The following MGMT variants were observed in gnomAD, a reference collection of about 807,000 sequenced individuals.
The protein encoded by MGMT is methylated-DNA--protein-cysteine methyltransferase.
Under a neutral mutation model 15.9 loss-of-function variants are expected in MGMT, and 14 were observed. The ratio of observed to expected loss-of-function variants is 0.88; its 90% CI spans 0.58 to 1.37. The LOEUF is 1.37. MGMT is among the 40% of genes most tolerant of loss of function. The probability of loss-of-function intolerance (pLI) is 0.00; values close to 1 mark genes in which losing one functional copy is unlikely to be tolerated. For missense variants in MGMT, 282 were observed against 268.1 expected (o/e 1.05, Z -0.36); for synonymous variants, 130 against 118.2 (o/e 1.10, Z -0.65).
chr10:129,482,049 T>G (rs538424239), intron 1 of MGMT, among the ~76,000 whole-genome samples: 21 of 152,326 alleles, frequency 1.4e-4, no homozygotes, highest in African/African-American at 4.1e-4. Context: ...ATGCTAAAAA[T>G]TCTCTCTAAG....
At chr10:129,541,334 G>A (rs1846040589) in intron 2 of MGMT, among the ~76,000 whole-genome samples, 1 of 152,364 alleles carries the variant, frequency 6.6e-6, no homozygotes, top group East Asian at 1.9e-4. Flanking sequence ...TTCTGTGAAT[G>A]CCATCACGTC....
intron 2 of MGMT, among the ~76,000 whole-genome samples, chr10:129,596,422 T>C (rs895491562): frequency 2.0e-5 from 3 of 152,218 alleles, no homozygotes; most frequent in Non-Finnish European, 4.4e-5. Context: ...AGAAGTGTTC[T>C]GTATGGAATT....
In MGMT at chr10:129,769,130, A is replaced by G. The variant is rs999428655; in HGVS notation, c.*2133A>G. On this transcript the variant is annotated 3_prime_UTR_variant, in exon 5 of 5. Transcript: ENST00000651593. ...GAGCACAGGTGGGCCTGCTCGGACCATGCCCTTGGTGCAGTACAAAACCAT... is the reference window on the plus strand; with the variant it reads ...GAGCACAGGTGGGCCTGCTCGGACCGTGCCCTTGGTGCAGTACAAAACCAT... 1.3e-5 allele frequency: 2 copies of G among 152,344 alleles called. No homozygotes were observed. Among genetic ancestry groups the G allele is most frequent in the African/African-American group, 2.4e-5 (1 of 41,460 alleles). 9.4% of individuals were successfully genotyped at this position (152,344 alleles called of 1,614,324 possible).
intron 3 of MGMT, chr10:129,717,722 G>C (rs529265374): frequency 1.3e-5 from 2 of 152,140 alleles, no homozygotes; most frequent in South Asian, 4.1e-4. Context: ...CCTCCGTGCC[G>C]CACACCTGGC....
chr10:129,739,456 G>C (rs982216697), intron 3 of MGMT, among the ~76,000 whole-genome samples: 4 of 152,192 alleles, frequency 2.6e-5, no homozygotes, highest in African/African-American at 9.7e-5. Flanking sequence ...AATTACAGCA[G>C]AGTTCACTCT....
chr10:129,672,375 G>C (rs1036943487), intron 2 of MGMT, among the ~76,000 whole-genome samples: 2 of 152,178 alleles, frequency 1.3e-5, no homozygotes, highest in Admixed American at 6.5e-5. Context: ...TGAATCTATA[G>C]CTCAATGTCT....
chr10:129,533,667 G>A lies in MGMT; in HGVS notation c.-12-2574G>A, dbSNP rs1208808378. ...ATCTCATGGACGCTTGGCCTGGATGGTGGTCACACTGGTAATTCAGTTCCA... is the reference window on the plus strand; with the variant it reads ...ATCTCATGGACGCTTGGCCTGGATGATGGTCACACTGGTAATTCAGTTCCA... On this transcript the variant is annotated intron_variant, in intron 1 of 4. Coordinates refer to ENST00000651593, the MANE Select transcript of MGMT (RefSeq NM_002412.5). The surrounding 1 kb of genome is among the most constrained non-coding windows in gnomAD (Gnocchi z 4.5). 6.6e-6 allele frequency among the ~76,000 whole-genome samples: 1 copy of A among 152,126 alleles called. No individual in the cohort carries two copies. The highest frequency in any genetic ancestry group is 1.5e-5 in the Non-Finnish European group (1 of 68,040).
At chr10:129,731,883 G>C (rs912430094) in intron 3 of MGMT, among the ~76,000 whole-genome samples, 26 of 152,284 alleles carry the variant, frequency 1.7e-4, no homozygotes, top group African/African-American at 5.8e-4. Flanking sequence ...TGGGTTCTCA[G>C]ATCTGCCTCT....
chr10:129,547,603 T>A (rs549638105), intron 2 of MGMT, among the ~76,000 whole-genome samples: 1 of 152,296 alleles, frequency 6.6e-6, no homozygotes, highest in African/African-American at 2.4e-5. Context: ...ACCGTTTTCT[T>A]GCAGTGATTG....
At chr10:129,529,087 T>G (rs10829603) in intron 1 of MGMT, among the ~76,000 whole-genome samples, 60,498 of 151,156 alleles carry the variant, frequency 0.4, 12,911 homozygotes, top group East Asian at 0.63. Flanking sequence ...GAGATGACAG[T>G]GGCCACTGTG....
At chr10:129,467,386 C>G (rs570130544) in intron 1 of MGMT, 90 bp downstream of exon 1, 2 of 1,390,296 alleles carry the variant, frequency 1.4e-6, no homozygotes, top group Non-Finnish European at 1.9e-6. Flanking sequence ...GGCGCCCTCA[C>G]TTCGCCGTCG....
intron 3 of MGMT, among the ~76,000 whole-genome samples, chr10:129,726,316 G>A (rs1564775606): frequency 6.6e-6 from 1 of 152,150 alleles, no homozygotes. Context: ...CTGCTGGCCA[G>A]GTCCTTGATG....
At chr10:129,520,905 G>A (rs1845800796) in intron 1 of MGMT, among the ~76,000 whole-genome samples, 1 of 151,296 alleles carries the variant, frequency 6.6e-6, no homozygotes, top group African/African-American at 2.4e-5. Flanking sequence ...CCCCTATGGT[G>A]TGCATACAGA....
At chr10:129,523,808 C>T (rs990480259) in intron 1 of MGMT, among the ~76,000 whole-genome samples, 4 of 152,130 alleles carry the variant, frequency 2.6e-5, no homozygotes, top group Non-Finnish European at 5.9e-5. Context: ...TCTGACCAGG[C>T]GGGACCCTGG....
intron 3 of MGMT, among the ~76,000 whole-genome samples, chr10:129,724,114 T>C (rs1470250283): frequency 6.6e-6 from 1 of 152,208 alleles, no homozygotes; most frequent in Non-Finnish European, 1.5e-5. Context: ...ATTGCTGCAA[T>C]TGGGAATTGC....
At chr10:129,550,628 G>A (rs1222583101) in intron 2 of MGMT, among the ~76,000 whole-genome samples, 1 of 152,016 alleles carries the variant, frequency 6.6e-6, no homozygotes, top group Non-Finnish European at 1.5e-5. Context: ...TGTATTTTTA[G>A]TAGAGATGGG....
chr10:129,622,558 G>A (rs1242541069), intron 2 of MGMT, among the ~76,000 whole-genome samples: 1 of 152,222 alleles, frequency 6.6e-6, no homozygotes, highest in Non-Finnish European at 1.5e-5. Context: ...AGTGTACACA[G>A]AGGTATGGTT....
chr10:129,716,856 C>A (rs950012634), intron 3 of MGMT, among the ~76,000 whole-genome samples: 1 of 152,104 alleles, frequency 6.6e-6, no homozygotes, highest in Non-Finnish European at 1.5e-5. Context: ...GTGAAGGAGC[C>A]AAATCGGTTT....
At chr10:129,736,296 A>C (rs1042286214) in intron 3 of MGMT, among the ~76,000 whole-genome samples, 13 of 151,556 alleles carry the variant, frequency 8.6e-5, no homozygotes, top group Middle Eastern at 6.9e-3. Flanking sequence ...TGTTGAATTG[A>C]TCCCTTTACC....
Sources: allele counts gnomAD v4.1 joint callset (sites outside exome capture counted in the v4.1 genomes callset), GRCh38; gene constraint gnomAD v4.1.1; non-coding constraint Gnocchi (gnomAD v3.1); transcripts MANE v1.5; gene names NCBI Gene and HGNC (gene_info 2026-07-23, HGNC 2026-07-21).